LCLAT1: variants seen among roughly 807,000 people sequenced by gnomAD.
LCLAT1 encodes the protein 1-AGP acyltransferase 8.
In LCLAT1, 11 loss-of-function variants were observed where a neutral mutation model predicts 30.7. The observed-to-expected ratio is 0.36, with a 90% CI of 0.23 to 0.59. LCLAT1 has a LOEUF of 0.59. Among genes scored for constraint, LCLAT1 ranks in the 20% least tolerant of loss-of-function variants. The pLI, the probability that LCLAT1 is intolerant of heterozygous loss-of-function variation, is 0.77. For synonymous variants in LCLAT1, 155 were observed against 151.3 expected (o/e 1.02, Z -0.18); for missense variants, 402 against 458.6 (o/e 0.88, Z 1.13).
chr2:30,481,204 A>G (rs1195631005), intron 1 of LCLAT1, among the ~76,000 whole-genome samples: 6 of 152,170 alleles, frequency 3.9e-5, no homozygotes, highest in African/African-American at 1.4e-4. Flanking sequence ...TTCGATTTTT[A>G]CTCTAGGCTC....
At chr2:30,501,299 A>G (rs1403873113) in intron 1 of LCLAT1, among the ~76,000 whole-genome samples, 8 of 152,120 alleles carry the variant, frequency 5.3e-5, no homozygotes, top group Non-Finnish European at 1.0e-4. Context: ...CCAAACCCCC[A>G]GTGCTTTGGT....
intron 1 of LCLAT1, among the ~76,000 whole-genome samples, chr2:30,507,885 G>A (rs1238491479): frequency 1.3e-5 from 2 of 152,130 alleles, no homozygotes; most frequent in Admixed American, 6.5e-5. Flanking sequence ...TAACACAATG[G>A]TTGAACTAAT....
In LCLAT1 at chr2:30,629,567, C is replaced by CA. The variant is rs987358009; in HGVS notation, c.629-10541dup. Among the ~76,000 whole-genome samples the CA allele has an allele frequency of 7.3e-5, 11 of 150,654 alleles. No homozygotes were observed. In the East Asian group the frequency reaches 7.8e-4, roughly 11 times the overall value. On this transcript the variant is annotated intron_variant, in intron 5 of 5. Transcript: ENST00000379509. ...AAGAGCAAAACTCCATCTCAAAAAA[C>CA]AAAAAAAAATTATATACTTGGGCAA...
chr2:30,557,613 T>C (rs11884859), intron 3 of LCLAT1, among the ~76,000 whole-genome samples: 132,912 of 151,504 alleles, frequency 0.88, 58,707 homozygotes, highest in African/African-American at 0.97. Flanking sequence ...CGGGGTTTCA[T>C]CATGTTGGCC....
chr2:30,501,885 T>C (rs1265532183), intron 1 of LCLAT1, among the ~76,000 whole-genome samples: 1 of 152,198 alleles, frequency 6.6e-6, no homozygotes, highest in Non-Finnish European at 1.5e-5. Flanking sequence ...TTTAACATTG[T>C]ATAATTCAAA....
At position 30,640,669 on chromosome 2, in the gene LCLAT1, C is replaced by A. The variant is rs1411821152; in HGVS notation, c.*50C>A. On this transcript the variant is annotated 3_prime_UTR_variant, in exon 6 of 6. Coordinates refer to ENST00000379509, the MANE Select transcript of LCLAT1 (RefSeq NM_001002257.3). ...ACCTAGAGCATATTTTGGAAATGTT[C>A]TAAACCTTTCTAAGCTCAGATGCAT... The A allele has an allele frequency of 2.0e-6, 3 of 1,518,680 alleles. No homozygotes were observed. Among genetic ancestry groups the A allele is most frequent in the South Asian group, 1.4e-5 (1 of 73,402 alleles). The allele number at this position is 1,518,680 out of a possible 1,614,324, so 94.1% of individuals were successfully genotyped here.
At chr2:30,570,130 T>C (rs1469321639) in intron 5 of LCLAT1, among the ~76,000 whole-genome samples, 1 of 152,172 alleles carries the variant, frequency 6.6e-6, no homozygotes, top group African/African-American at 2.4e-5. Flanking sequence ...TGGAAAATAT[T>C]TTAGTAGCAA....
chr2:30,595,212 T>C (rs1316508843), intron 5 of LCLAT1, among the ~76,000 whole-genome samples: 1 of 152,162 alleles, frequency 6.6e-6, no homozygotes, highest in African/African-American at 2.4e-5. Flanking sequence ...CTCTGTAATA[T>C]GTTATTACTG....
At chr2:30,515,813 A>G (rs1264738717) in intron 1 of LCLAT1, among the ~76,000 whole-genome samples, 15 of 152,208 alleles carry the variant, frequency 9.9e-5, no homozygotes, top group Admixed American at 8.5e-4. Context: ...TTTTATTTTA[A>G]AGGGTTTTTA....
chr2:30,544,897 C>T (rs1203472961), intron 3 of LCLAT1, among the ~76,000 whole-genome samples: 1 of 152,130 alleles, frequency 6.6e-6, no homozygotes, highest in Non-Finnish European at 1.5e-5. Context: ...TTCTGCAAGA[C>T]AAGAGGAAAA....
intron 1 of LCLAT1, among the ~76,000 whole-genome samples, chr2:30,469,840 G>C (rs1388947930): frequency 6.6e-6 from 1 of 152,026 alleles, no homozygotes; most frequent in Non-Finnish European, 1.5e-5. Flanking sequence ...TGATCCACCT[G>C]CTTCGGCCTC....
At chr2:30,499,026 A>C (rs943602582) in intron 1 of LCLAT1, among the ~76,000 whole-genome samples, 12 of 152,190 alleles carry the variant, frequency 7.9e-5, no homozygotes, top group African/African-American at 2.9e-4. Context: ...AAACTGTCAA[A>C]AGTGAATCTG....
chr2:30,505,997 T>C (rs1248616618), intron 1 of LCLAT1, among the ~76,000 whole-genome samples: 1 of 152,134 alleles, frequency 6.6e-6, no homozygotes, highest in East Asian at 1.9e-4. Context: ...ATTACCAGGC[T>C]TGTTTATTAA....
intron 5 of LCLAT1, among the ~76,000 whole-genome samples, chr2:30,617,108 A>G (rs927531801): frequency 5.9e-5 from 9 of 152,176 alleles, no homozygotes; most frequent in Non-Finnish European, 1.2e-4. Flanking sequence ...TATTAAATGT[A>G]TAGAGCCACA....
intron 3 of LCLAT1, among the ~76,000 whole-genome samples, chr2:30,555,839 C>CTTT (rs67813132): frequency 8.7e-5 from 11 of 127,104 alleles, no homozygotes; most frequent in African/African-American, 2.7e-4. Flanking sequence ...TTTTCTTTTT[C>CTTT]TTTTTTTTTT....
chr2:30,545,585 GTT>G (rs1484956496), intron 3 of LCLAT1, among the ~76,000 whole-genome samples: 1 of 152,024 alleles, frequency 6.6e-6, no homozygotes, highest in Non-Finnish European at 1.5e-5. Flanking sequence ...GTTATAAAGA[GTT>G]TTGTTAAATT....
At chr2:30,542,953 C>CTTTTTTTTT (rs34535640) in intron 3 of LCLAT1, among the ~76,000 whole-genome samples, 3 of 124,226 alleles carry the variant, frequency 2.4e-5, no homozygotes, top group Non-Finnish European at 1.7e-5. Context: ...ACTTTTATGG[C>CTTTTTTTTT]TTTTTTTTTT....
intron 1 of LCLAT1, among the ~76,000 whole-genome samples, chr2:30,456,923 G>A (rs1681866980): frequency 6.6e-6 from 1 of 152,168 alleles, no homozygotes; most frequent in Non-Finnish European, 1.5e-5. Flanking sequence ...CTTCTTTATG[G>A]AAGAAAATAC....
At chr2:30,462,368 A>G (rs960423688) in intron 1 of LCLAT1, among the ~76,000 whole-genome samples, 1 of 152,210 alleles carries the variant, frequency 6.6e-6, no homozygotes, top group Non-Finnish European at 1.5e-5. Flanking sequence ...CATGCTGACC[A>G]AGTCAGTAGT....
Sources: allele counts gnomAD v4.1 joint callset (sites outside exome capture counted in the v4.1 genomes callset), GRCh38; gene constraint gnomAD v4.1.1; transcripts MANE v1.5; gene names NCBI Gene and HGNC (gene_info 2026-07-23, HGNC 2026-07-21).